NPSR1: variants seen among roughly 807,000 people sequenced by gnomAD.
The protein encoded by NPSR1 is neuropeptide S receptor.
A neutral mutation model predicts 46.9 loss-of-function variants in NPSR1; 48 were observed. The observed-to-expected ratio is 1.02, with a 90% CI of 0.81 to 1.30. The LOEUF (loss-of-function observed/expected upper bound fraction) is 1.30. Ranked by LOEUF, NPSR1 falls within the 50% of genes most tolerant of loss-of-function variation. The pLI, the probability that NPSR1 is intolerant of heterozygous loss-of-function variation, is 0.00. For missense variants in NPSR1, 450 were observed against 449.5 expected, an observed-to-expected ratio of 1.00 and a Z score of -0.01; for synonymous variants, 176 against 168.1, an observed-to-expected ratio of 1.05 and a Z score of -0.36.
intron 3 of NPSR1, among the ~76,000 whole-genome samples, chr7:34,795,325 G>A (rs1788125129): frequency 6.6e-6 from 1 of 152,108 alleles, no homozygotes; most frequent in Admixed American, 6.6e-5. Context: ...ATTTAATAGT[G>A]AGAAACTATG....
At chr7:34,848,977 A>G (rs1790842799) in intron 8 of NPSR1, among the ~76,000 whole-genome samples, 1 of 152,256 alleles carries the variant, frequency 6.6e-6, no homozygotes, top group Non-Finnish European at 1.5e-5. Flanking sequence ...TATGACAATA[A>G]TAGGACATGG....
chr7:34,759,695 G>A (rs1172988569), intron 2 of NPSR1, among the ~76,000 whole-genome samples: 1 of 152,086 alleles, frequency 6.6e-6, no homozygotes, highest in Non-Finnish European at 1.5e-5. Flanking sequence ...AGAAATGCTG[G>A]GTCATATTCC....
At chr7:34,825,925 C>T (rs893893044) in intron 4 of NPSR1, among the ~76,000 whole-genome samples, 14 of 152,172 alleles carry the variant, frequency 9.2e-5, no homozygotes, top group African/African-American at 3.1e-4. Context: ...GGACTTCCTA[C>T]TTGAAGCAAG....
intron 8 of NPSR1, among the ~76,000 whole-genome samples, chr7:34,858,346 T>C (rs1471606202): frequency 6.6e-6 from 1 of 151,772 alleles, no homozygotes; most frequent in Non-Finnish European, 1.5e-5. Context: ...AATGGAATAC[T>C]TTACAGCAAC....
intron 2 of NPSR1, among the ~76,000 whole-genome samples, chr7:34,763,937 A>G (rs923864014): frequency 1.3e-5 from 2 of 152,216 alleles, no homozygotes; most frequent in Non-Finnish European, 2.9e-5. Flanking sequence ...GTGAACTGCA[A>G]TAGAACTAAG....
chr7:34,790,117 C>G (rs1787660678), intron 3 of NPSR1, among the ~76,000 whole-genome samples: 2 of 152,056 alleles, frequency 1.3e-5, no homozygotes, highest in South Asian at 4.1e-4. Context: ...GTTTAAAAAT[C>G]CTCAACAAAA....
intron 3 of NPSR1, among the ~76,000 whole-genome samples, chr7:34,798,175 T>C (rs1788273887): frequency 6.6e-6 from 1 of 152,174 alleles, no homozygotes; most frequent in Non-Finnish European, 1.5e-5. Flanking sequence ...GACACAAAAA[T>C]AGCAATAATG....
chr7:34,821,714 G>A (rs1309684330), intron 4 of NPSR1, among the ~76,000 whole-genome samples: 1 of 152,164 alleles, frequency 6.6e-6, no homozygotes, highest in African/African-American at 2.4e-5. Flanking sequence ...AGTTCTGGGA[G>A]ACACTGTGTA....
At chr7:34,822,550 A>G (rs1789609657) in intron 4 of NPSR1, among the ~76,000 whole-genome samples, 2 of 152,252 alleles carry the variant, frequency 1.3e-5, no homozygotes, top group African/African-American at 4.8e-5. Context: ...TCAAAATAAT[A>G]AAGAGAAATA....
At chr7:34,714,429 T>A (rs573152138) in intron 2 of NPSR1, among the ~76,000 whole-genome samples, 16 of 152,164 alleles carry the variant, frequency 1.1e-4, no homozygotes, top group Non-Finnish European at 2.1e-4. Flanking sequence ...GGCCAGTACT[T>A]GGTTGTGGTT....
Position 34,693,889 on chromosome 7 carries a change from CA to C in NPSR1, c.280+9209del, listed in dbSNP as rs1237224971. Among the ~76,000 whole-genome samples, 9 of 152,038 alleles carry C rather than the reference CA, an allele frequency of 5.9e-5. 1 individual carries two copies. The highest frequency in any genetic ancestry group is 4.6e-4 in the Admixed American group (7 of 15,272). On this transcript the variant is annotated intron_variant, in intron 2 of 8. Transcript: ENST00000360581. ...CAATAGACATGATTCACCACATTAACAAAACTAAAAACAAAAACCATATGAT... is the reference window on the plus strand; with the variant it reads ...CAATAGACATGATTCACCACATTAACAAACTAAAAACAAAAACCATATGAT...
At chr7:34,791,147 T>C (rs558161602) in intron 3 of NPSR1, among the ~76,000 whole-genome samples, 4 of 113,504 alleles carry the variant, frequency 3.5e-5, no homozygotes, top group Admixed American at 1.1e-4. Context: ...TTATATATAA[T>C]ATGTTATATA....
chr7:34,684,541 G>C lies in NPSR1; in HGVS notation c.148-11G>C. On this transcript the variant is annotated splice_polypyrimidine_tract_variant and intron_variant, in intron 1 of 8. Coordinates refer to ENST00000360581, the MANE Select transcript of NPSR1 (RefSeq NM_207172.2). The stretch of plus-strand genomic sequence containing the variant: ...TGGTACACTGGTTTTATTTTTCTCT[G>C]TTTCTTGCAGACTGAGCAATTGATA... The C allele has an allele frequency of 1.2e-6, 2 of 1,611,528 alleles. No individual in the cohort carries two copies. The highest frequency in any genetic ancestry group is 1.1e-5 in the South Asian group (1 of 90,590).
chr7:34,670,654 T>G (rs994168828), intron 1 of NPSR1, among the ~76,000 whole-genome samples: 1 of 151,406 alleles, frequency 6.6e-6, no homozygotes, highest in Non-Finnish European at 1.5e-5. Context: ...GTCCTTAATA[T>G]GTAAAGAGCC....
intron 3 of NPSR1, among the ~76,000 whole-genome samples, chr7:34,792,571 A>ATATG (rs1374086421): frequency 1.4e-5 from 1 of 72,628 alleles, no homozygotes; most frequent in Non-Finnish European, 2.9e-5. Flanking sequence ...ATATATATAT[A>ATATG]TGTGTGTGTG....
intron 8 of NPSR1, among the ~76,000 whole-genome samples, chr7:34,877,673 G>A (rs1412200445): frequency 2.7e-4 from 41 of 152,332 alleles, no homozygotes; most frequent in East Asian, 1.9e-4. Flanking sequence ...GACAGATATG[G>A]AAGAACATGT....
At chr7:34,691,450 T>C (rs1458203954) in intron 2 of NPSR1, among the ~76,000 whole-genome samples, 1 of 152,026 alleles carries the variant, frequency 6.6e-6, no homozygotes, top group Admixed American at 6.5e-5. Flanking sequence ...GACTCAACTA[T>C]CTGCTACCTA....
At chr7:34,768,387 A>G (rs971614806) in intron 2 of NPSR1, 1 of 152,176 alleles carries the variant, frequency 6.6e-6, no homozygotes, top group Admixed American at 6.5e-5. Flanking sequence ...TTCTTCTGAC[A>G]GAGGAATGTG....
At position 34,722,271 on chromosome 7, in the gene NPSR1, G is replaced by T. The variant is rs144203860; in HGVS notation, c.280+37587G>T. Among the ~76,000 whole-genome samples the T allele has an allele frequency of 1.2e-4, 18 of 152,204 alleles. No individual in the cohort carries two copies. The East Asian group carries it at 3.5e-3, about 29-fold the overall frequency. ...AACATACCTATAATGAAATACAATA[G>T]AATAATGTGGATAAAATCCATCCGT... On this transcript the variant is annotated intron_variant, in intron 2 of 8. Coordinates refer to ENST00000360581, the MANE Select transcript of NPSR1 (RefSeq NM_207172.2).
Sources: gnomAD v4.1 joint callset for allele counts (sites outside exome capture counted in the v4.1 genomes callset) on GRCh38, gnomAD v4.1.1 for gene constraint, MANE v1.5 for transcripts, NCBI Gene and HGNC (gene_info 2026-07-23, HGNC 2026-07-21) for gene names.